Variants in GPHN observed in about 807,000 individuals in gnomAD.
GPHN encodes the protein gephyrin.
Under a neutral mutation model 95.5 loss-of-function variants are expected in GPHN, and 17 were observed. The observed-to-expected ratio is 0.18, with a 90% CI of 0.12 to 0.27. The LOEUF is 0.27. Among genes scored for constraint, GPHN ranks in the 10% least tolerant of loss-of-function variants. The pLI, the probability that GPHN is intolerant of heterozygous loss-of-function variation, is 1.00. For missense variants in GPHN, 660 were observed against 978.1 expected, an observed-to-expected ratio of 0.67 and a Z score of 4.34; for synonymous variants, 320 against 322.5, an observed-to-expected ratio of 0.99 and a Z score of 0.08.
chr14:66,625,144 G>A (rs751797269), intron 1 of GPHN, among the ~76,000 whole-genome samples: 6 of 151,964 alleles, frequency 3.9e-5, no homozygotes, highest in Non-Finnish European at 8.8e-5. Context: ...GCCGTGGTAC[G>A]AGATGGTCAC....
At chr14:67,407,338 G>A in the GPHN span, among the ~76,000 whole-genome samples, 1 of 151,894 alleles carries the variant, frequency 6.6e-6, no homozygotes, top group Non-Finnish European at 1.5e-5. Context: ...GTCTAGGCTG[G>A]TCTCGAACTC....
intron 1 of GPHN, among the ~76,000 whole-genome samples, chr14:66,581,387 C>A (rs10143934): frequency 0.31 from 47,693 of 151,568 alleles, 11,522 homozygotes; most frequent in African/African-American, 0.65. Context: ...ATCACTATAA[C>A]GAAAAACTAT....
chr14:67,691,557 A>C, the GPHN span: 1 of 237,830 alleles, frequency 4.2e-6, no homozygotes, highest in East Asian at 9.5e-5. Context: ...TCCCAAGCTG[A>C]ATGGAAAGAT....
intron 1 of GPHN, among the ~76,000 whole-genome samples, chr14:66,569,840 A>G (rs948709390): frequency 3.9e-5 from 6 of 152,036 alleles, no homozygotes; most frequent in Non-Finnish European, 8.8e-5. Flanking sequence ...GAAGTGTACA[A>G]TATATTGTTA....
At chr14:66,710,568 G>A (rs181890300) in intron 2 of GPHN, among the ~76,000 whole-genome samples, 1 of 151,884 alleles carries the variant, frequency 6.6e-6, no homozygotes. Flanking sequence ...TATTTTTTCT[G>A]TAGCCAACTT....
At chr14:67,051,399 C>G (rs2075300484) in intron 10 of GPHN, among the ~76,000 whole-genome samples, 1 of 151,950 alleles carries the variant, frequency 6.6e-6, no homozygotes. Context: ...GACAGGCAGA[C>G]AAGATTAGAG....
At chr14:66,554,584 C>G (rs951180581) in intron 1 of GPHN, among the ~76,000 whole-genome samples, 2 of 152,246 alleles carry the variant, frequency 1.3e-5, no homozygotes, top group East Asian at 3.9e-4. Context: ...AGAATTCATT[C>G]GCTATCACAA....
At chr14:66,942,329 G>A (rs1212235432) in intron 8 of GPHN, among the ~76,000 whole-genome samples, 1 of 152,164 alleles carries the variant, frequency 6.6e-6, no homozygotes. Flanking sequence ...GTTAACTTTT[G>A]TGTTGCTTAA....
intron 8 of GPHN, among the ~76,000 whole-genome samples, chr14:66,941,697 A>AT (rs926387128): frequency 3.3e-5 from 5 of 151,926 alleles, no homozygotes; most frequent in Non-Finnish European, 5.9e-5. Flanking sequence ...AAAAAAAAAA[A>AT]CTTGTTTCTC....
intron 1 of GPHN, among the ~76,000 whole-genome samples, chr14:66,642,037 C>T (rs924414748): frequency 7.9e-5 from 12 of 152,044 alleles, no homozygotes; most frequent in African/African-American, 2.9e-4. Context: ...GGTATTGATG[C>T]AAGAATAGGC....
the GPHN span, chr14:67,321,070 T>C: frequency 1.4e-5 from 22 of 1,613,998 alleles, no homozygotes; most frequent in East Asian, 2.2e-5. Context: ...CAACCCGGAG[T>C]AGGCGAGACC....
chr14:67,279,919 G>T, the GPHN span: 2 of 181,584 alleles, frequency 1.1e-5, no homozygotes, highest in African/African-American at 4.7e-5. Flanking sequence ...TAATAAATTT[G>T]TAACTACAGT....
chr14:67,350,805 T>C, the GPHN span: 6 of 1,004,920 alleles, frequency 6.0e-6, no homozygotes, highest in East Asian at 8.2e-5. Flanking sequence ...TGCATGTAAA[T>C]ATTGGTTTGA....
Position 66,608,139 on chromosome 14 carries a change from T to A in GPHN, c.65-72968T>A, listed in dbSNP as rs368963486. Among the ~76,000 whole-genome samples, 69 of 151,330 alleles carry A rather than the reference T, an allele frequency of 4.6e-4. No homozygotes were observed. In the East Asian group the frequency reaches 7.7e-3, roughly 17 times the overall value. The stretch of plus-strand genomic sequence containing the variant: ...ATGCATTTGGCACCGTAAACTTTCC[T>A]CTTAACATGCTGTAGTTCCATCCCA... On this transcript the variant is annotated intron_variant, in intron 1 of 22. Transcript: ENST00000478722.
At chr14:67,720,932 C>T in the GPHN span, 2 of 152,186 alleles carry the variant, frequency 1.3e-5, no homozygotes, top group South Asian at 4.1e-4. Flanking sequence ...ATGCAAGGAT[C>T]TTAGATTTGA....
chr14:67,167,689 C>T (rs2140038400), intron 20 of GPHN, among the ~76,000 whole-genome samples: 1 of 152,232 alleles, frequency 6.6e-6, no homozygotes, highest in South Asian at 2.1e-4. Flanking sequence ...TTCCCCACTC[C>T]AGGTTATACA....
Position 66,508,337 on chromosome 14 carries a change from C to A in GPHN, c.-191C>A. ...CTCCTTCCCCTCCCGCGGACCCGCG[C>A]ACTCCCGGCGCGGCCTCTCCCCCAC... On this transcript the variant is annotated 5_prime_UTR_variant, in exon 1 of 23. Transcript: ENST00000478722. 1 of 628,752 alleles carries A rather than the reference C, an allele frequency of 1.6e-6. No individual in the cohort carries two copies. Among genetic ancestry groups the A allele is most frequent in the Non-Finnish European group, 2.8e-6 (1 of 351,834 alleles). 38.9% of individuals were successfully genotyped at this position (628,752 alleles called of 1,614,324 possible).
intron 1 of GPHN, among the ~76,000 whole-genome samples, chr14:66,646,293 A>C (rs1219005037): frequency 3.3e-5 from 5 of 152,176 alleles, no homozygotes; most frequent in Non-Finnish European, 7.4e-5. Flanking sequence ...GTAAAAAAAG[A>C]AAACAAAACC....
the GPHN span, chr14:67,660,025 C>T: frequency 7.2e-5 from 84 of 1,169,126 alleles, 1 homozygote; most frequent in African/African-American, 9.8e-4. Flanking sequence ...ATTTGGACTA[C>T]ACCAAGTAAA....
Sources: allele counts gnomAD v4.1 joint callset (sites outside exome capture counted in the v4.1 genomes callset), GRCh38; gene constraint gnomAD v4.1.1; transcripts MANE v1.5; gene names NCBI Gene and HGNC (gene_info 2026-07-23, HGNC 2026-07-21).